Variants in APLP2 observed in about 807,000 individuals in gnomAD.
APLP2 encodes the protein amyloid beta precursor like protein 2, also known as CDEI box-binding protein.
A neutral mutation model predicts 89.9 loss-of-function variants in APLP2; 53 were observed. That is an observed-to-expected ratio of 0.59 (90% CI 0.47 to 0.74). The LOEUF (loss-of-function observed/expected upper bound fraction) is 0.74. Among genes scored for constraint, APLP2 ranks in the 30% least tolerant of loss-of-function variants. The pLI, the probability that APLP2 is intolerant of heterozygous loss-of-function variation, is 0.00. For synonymous variants in APLP2, 372 were observed against 348.6 expected (o/e 1.07, Z -0.75); for missense variants, 973 against 975.9 (o/e 1.00, Z 0.04).
Position 130,081,495 on chromosome 11 carries a change from G to A in APLP2, c.105+11413G>A, listed in dbSNP as rs529100106. On this transcript the variant is annotated intron_variant, in intron 1 of 16. Coordinates refer to ENST00000338167, the MANE Select transcript of APLP2 (RefSeq NM_001142276.2). ...ATGTTTATTTTATTGATAAGCACAT[G>A]GTGATAACTGGTGCTTTTTTGGTGT... Among the ~76,000 whole-genome samples, 7 of 152,260 alleles carry A rather than the reference G, an allele frequency of 4.6e-5. No individual in the cohort carries two copies. The East Asian group carries it at 1.2e-3, about 25-fold the overall frequency.
At chr11:130,120,404 C>T (rs928111332) in intron 3 of APLP2, among the ~76,000 whole-genome samples, 3 of 152,104 alleles carry the variant, frequency 2.0e-5, no homozygotes, top group Admixed American at 6.5e-5. Flanking sequence ...GTGTCTGAGG[C>T]GGGCATGGAG....
intron 1 of APLP2, among the ~76,000 whole-genome samples, chr11:130,106,809 C>A (rs929193814): frequency 6.6e-6 from 1 of 152,156 alleles, no homozygotes; most frequent in Non-Finnish European, 1.5e-5. Flanking sequence ...CTGCCTCAGC[C>A]CCCTGAGTAG....
At chr11:130,090,548 C>G (rs991427896) in intron 1 of APLP2, among the ~76,000 whole-genome samples, 1 of 152,020 alleles carries the variant, frequency 6.6e-6, no homozygotes, top group East Asian at 1.9e-4. Context: ...TGAGTGGACA[C>G]AGCACATGTT....
At chr11:130,092,122 T>G (rs1191088590) in intron 1 of APLP2, among the ~76,000 whole-genome samples, 2 of 102,914 alleles carry the variant, frequency 1.9e-5, no homozygotes, top group Non-Finnish European at 3.8e-5. Flanking sequence ...TCTCAGACGA[T>G]GGGCGGCGGG....
chr11:130,134,698 G>A (rs931187745), intron 12 of APLP2, among the ~76,000 whole-genome samples: 1 of 152,216 alleles, frequency 6.6e-6, no homozygotes, highest in Non-Finnish European at 1.5e-5. Context: ...AGTATGCACT[G>A]AAGGGGTGAC....
intron 13 of APLP2, 79 bp downstream of exon 13, chr11:130,135,794 C>A: frequency 6.5e-7 from 1 of 1,546,776 alleles, no homozygotes; most frequent in Non-Finnish European, 8.8e-7. Flanking sequence ...TTTTCGAAAA[C>A]CAAATTGAGT....
At chr11:130,114,994 A>G (rs1003499437) in intron 3 of APLP2, among the ~76,000 whole-genome samples, 4 of 151,874 alleles carry the variant, frequency 2.6e-5, no homozygotes, top group African/African-American at 9.7e-5. Context: ...CCTGGTGTGG[A>G]CCCCTGTGCA....
At position 130,126,536 on chromosome 11, in the gene APLP2, C is replaced by T. The variant is rs184364954; in HGVS notation, c.1091-164C>T. Among the ~76,000 whole-genome samples the T allele has an allele frequency of 1.1e-3, 166 of 152,322 alleles. 1 individual carries two copies. Among genetic ancestry groups the T allele is most frequent in the African/African-American group, 3.9e-3 (163 of 41,554 alleles). On this transcript the variant is annotated intron_variant, in intron 7 of 16. Transcript: ENST00000338167. ...TGAATATTGTGTAAGGAAGATTGCC[C>T]ACTGTAATCTAACCAAGTGAAGTCT... is the stretch of plus-strand genomic sequence containing the variant.
At chr11:130,142,871 C>T (rs1031276528) in intron 16 of APLP2, among the ~76,000 whole-genome samples, 6 of 152,164 alleles carry the variant, frequency 3.9e-5, no homozygotes, top group African/African-American at 1.4e-4. Context: ...CCTCAGCCTC[C>T]CAAAGTGCTG....
intron 1 of APLP2, among the ~76,000 whole-genome samples, chr11:130,103,128 G>A (rs915377933): frequency 6.6e-6 from 1 of 152,208 alleles, no homozygotes; most frequent in Non-Finnish European, 1.5e-5. Flanking sequence ...AATGGATCAA[G>A]GCACAGTCTG....
intron 1 of APLP2, among the ~76,000 whole-genome samples, chr11:130,074,546 A>C (rs1425150482): frequency 6.6e-6 from 1 of 152,178 alleles, no homozygotes; most frequent in Non-Finnish European, 1.5e-5. Context: ...GTTTACCCTT[A>C]CTAAATTTTG....
intron 13 of APLP2, chr11:130,137,437 C>T (rs1951766096): frequency 2.6e-6 from 2 of 781,438 alleles, no homozygotes; most frequent in Admixed American, 2.1e-5. Flanking sequence ...GTCAGAGCAG[C>T]CCCACCTCCA....
rs1475581275 is a variant in APLP2 at position 130,130,044 on chromosome 11, C to A, written c.1462C>A (p.Arg488Ser). Residue 488 changes from arginine to serine, a missense_variant, in exon 11 of 17, where the codon CGC becomes AGC. Transcript: ENST00000338167. The stretch of plus-strand genomic sequence containing the variant: ...CAACTGTTCTCTCTTGCAGCCTCAT[C>A]GCATTCTCCAGGCCTTACGGCGTTA... ...ALQSDPPRPH[R>S]ILQALRRYVR... 6.2e-7 allele frequency: 1 copy of A among 1,614,146 alleles called. No individual in the cohort carries two copies. The highest frequency in any genetic ancestry group is 8.5e-7 in the Non-Finnish European group (1 of 1,179,976).
At chr11:130,137,413 C>A (rs894409706) in intron 13 of APLP2, 3 of 956,628 alleles carry the variant, frequency 3.1e-6, no homozygotes, top group African/African-American at 1.6e-5. Flanking sequence ...CCTTCTGACA[C>A]GGCTGTGAGT....
Position 130,123,863 on chromosome 11 carries a change from G to A in APLP2, c.1090+84G>A. The A allele has an allele frequency of 6.7e-7, 1 of 1,484,818 alleles. No homozygotes were observed. Among genetic ancestry groups the A allele is most frequent in the South Asian group, 1.2e-5 (1 of 80,970 alleles). 92.0% of individuals were successfully genotyped at this position (1,484,818 alleles called of 1,614,324 possible). On this transcript the variant is annotated intron_variant, in intron 7 of 16. Transcript: ENST00000338167. The surrounding 1 kb of genome is among the most constrained non-coding windows in gnomAD (Gnocchi z 4.0). ...CCCTGCCGTCTTCGTGGCTGCATCT[G>A]TGTGGTGTCCCTGCCCACTCGGGTG...
At chr11:130,126,621 C>A in intron 7 of APLP2, 79 bp from the exon 8 acceptor site, 1 of 1,542,654 alleles carries the variant, frequency 6.5e-7, no homozygotes, top group South Asian at 1.1e-5. Context: ...GTCCATCCTG[C>A]AGGTCCTGAG....
At chr11:130,116,549 G>C (rs1231655707) in intron 3 of APLP2, among the ~76,000 whole-genome samples, 1 of 151,964 alleles carries the variant, frequency 6.6e-6, no homozygotes, top group Non-Finnish European at 1.5e-5. Context: ...GCAGTGGCGC[G>C]ATCTTGGCTG....
At position 130,123,224 on chromosome 11, in the gene APLP2, G is replaced by T. The variant is rs1307905451; in HGVS notation, c.923-388G>T. Among the ~76,000 whole-genome samples the T allele has an allele frequency of 6.6e-6, 1 of 152,114 alleles. No individual in the cohort carries two copies. The highest frequency in any genetic ancestry group is 2.4e-5 in the African/African-American group (1 of 41,410). On this transcript the variant is annotated intron_variant, in intron 6 of 16. Coordinates refer to ENST00000338167, the MANE Select transcript of APLP2 (RefSeq NM_001142276.2). The surrounding 1 kb of genome is among the most constrained non-coding windows in gnomAD (Gnocchi z 4.0). ...CGTTCTAGGTGCTTGTCTTTACTAC[G>T]GGTATCACCACTTAAAGCAGCCTTT...
intron 1 of APLP2, among the ~76,000 whole-genome samples, chr11:130,076,884 T>C (rs1267261585): frequency 6.6e-6 from 1 of 152,162 alleles, no homozygotes; most frequent in Non-Finnish European, 1.5e-5. Context: ...AAAGCAAGCC[T>C]TGGCAAGGGG....
Sources: allele counts gnomAD v4.1 joint callset (sites outside exome capture counted in the v4.1 genomes callset), GRCh38; gene constraint gnomAD v4.1.1; non-coding constraint Gnocchi (gnomAD v3.1); transcripts MANE v1.5; gene names NCBI Gene and HGNC (gene_info 2026-07-23, HGNC 2026-07-21).